The following WDR72 variants were observed in gnomAD, a reference collection of about 807,000 sequenced individuals.
The protein encoded by WDR72 is WD repeat domain 72, also known as WD repeat-containing protein 72.
In WDR72, 120 loss-of-function variants were observed where a neutral mutation model predicts 124.2. The ratio of observed to expected loss-of-function variants is 0.97; its 90% CI spans 0.83 to 1.12. WDR72 has a LOEUF of 1.12. Among genes scored for constraint, WDR72 ranks in the 50% most tolerant of loss-of-function variants. The pLI is 0.00. For synonymous variants in WDR72, 452 were observed against 441.7 expected (o/e 1.02, Z -0.29); for missense variants, 1,387 against 1,278.8 (o/e 1.08, Z -1.29).
At chr15:53,615,312 C>T in intron 15 of WDR72, 114 bp downstream of exon 15, 1 of 814,788 alleles carries the variant, frequency 1.2e-6, no homozygotes, top group Non-Finnish European at 1.9e-6. Flanking sequence ...TTGTTGCATA[C>T]TTACCCCCCA....
chr15:53,514,425 A>G lies in WDR72; in HGVS notation c.*3274T>C, dbSNP rs887894768. Reference sequence around the variant, plus strand: ...ATAAAATTTAATTTTAAAATACTCAATTATTATAATGTGCCCTCTAAGGAT... The same window carrying G: ...ATAAAATTTAATTTTAAAATACTCAGTTATTATAATGTGCCCTCTAAGGAT... On this transcript the variant is annotated 3_prime_UTR_variant, in exon 20 of 20. Coordinates refer to ENST00000360509, the MANE Select transcript of WDR72 (RefSeq NM_182758.4). 1 of 152,184 alleles carries G rather than the reference A, an allele frequency of 6.6e-6. No individual in the cohort carries two copies. Among genetic ancestry groups the G allele is most frequent in the African/African-American group, 2.4e-5 (1 of 41,462 alleles). 9.4% of individuals were successfully genotyped at this position (152,184 alleles called of 1,614,324 possible). A position where few individuals can be genotyped will look rare whatever the true frequency, so the allele number is the denominator to read the frequency against.
chr15:53,633,932 G>A (rs1484798240), intron 14 of WDR72, among the ~76,000 whole-genome samples: 1 of 152,042 alleles, frequency 6.6e-6, no homozygotes, highest in African/African-American at 2.4e-5. Flanking sequence ...ATTCTTTATG[G>A]CATACATTGA....
At chr15:53,665,500 A>T in intron 14 of WDR72, 72 bp downstream of exon 14, 1 of 1,542,362 alleles carries the variant, frequency 6.5e-7, no homozygotes, top group Non-Finnish European at 9.0e-7. Flanking sequence ...AGTGCCATGT[A>T]TTTATGAATG....
At chr15:53,578,943 A>G (rs1170299328) in intron 18 of WDR72, among the ~76,000 whole-genome samples, 1 of 152,090 alleles carries the variant, frequency 6.6e-6, no homozygotes, top group Non-Finnish European at 1.5e-5. Context: ...TGAACCATAA[A>G]AACCCGATTT....
intron 18 of WDR72, among the ~76,000 whole-genome samples, chr15:53,530,061 T>C (rs1892365785): frequency 6.7e-6 from 1 of 149,260 alleles, no homozygotes; most frequent in South Asian, 2.1e-4. Flanking sequence ...GCAAGCAGTG[T>C]TCCAAGGAGA....
chr15:53,618,987 T>C (rs1349834344), intron 14 of WDR72, among the ~76,000 whole-genome samples: 1 of 152,052 alleles, frequency 6.6e-6, no homozygotes, highest in Non-Finnish European at 1.5e-5. Context: ...AGTTGTCTTC[T>C]CACCTGTGTT....
rs184265213 is a variant in WDR72, at chr15:53,733,402, A to G, written c.-12-241T>C. Reference sequence around the variant, plus strand: ...ATCTTCGAATTCCTTATTATTGTTGAAGAGAAAGAAAGGAATGGTCTATTC... The same window carrying G: ...ATCTTCGAATTCCTTATTATTGTTGGAGAGAAAGAAAGGAATGGTCTATTC... On this transcript the variant is annotated intron_variant, in intron 1 of 19. Coordinates refer to ENST00000360509, the MANE Select transcript of WDR72 (RefSeq NM_182758.4). Among the ~76,000 whole-genome samples the G allele has an allele frequency of 2.3e-3, 347 of 152,278 alleles. 2 individuals are homozygous for G. Among genetic ancestry groups the G allele is most frequent in the South Asian group, 3.9e-3 (19 of 4,830 alleles).
intron 8 of WDR72, 58 bp from the exon 9 acceptor site, chr15:53,711,011 T>A (rs2017520167): frequency 2.1e-6 from 3 of 1,446,934 alleles, no homozygotes; most frequent in Non-Finnish European, 2.9e-6. Context: ...ATTCGTTTTT[T>A]TTCCCCCTCC....
intron 6 of WDR72, among the ~76,000 whole-genome samples, chr15:53,713,876 A>G (rs979022395): frequency 3.9e-5 from 6 of 152,242 alleles, no homozygotes; most frequent in Non-Finnish European, 8.8e-5. Flanking sequence ...TAAGCTCAGC[A>G]TACCATCACA....
intron 19 of WDR72, among the ~76,000 whole-genome samples, chr15:53,520,606 A>G: frequency 6.6e-6 from 1 of 152,034 alleles, no homozygotes; most frequent in East Asian, 1.9e-4. Flanking sequence ...AAAAACCCCA[A>G]ATTTGTTTCT....
chr15:53,636,438 A>C (rs1389321328), intron 14 of WDR72, among the ~76,000 whole-genome samples: 1 of 152,232 alleles, frequency 6.6e-6, no homozygotes, highest in Non-Finnish European at 1.5e-5. Context: ...ACTTCACTGA[A>C]ACTTTTTAAA....
At chr15:53,652,071 A>G (rs1453591930) in intron 14 of WDR72, 3 of 152,184 alleles carry the variant, frequency 2.0e-5, no homozygotes, top group Non-Finnish European at 4.4e-5. Context: ...GGTAAATTGT[A>G]CATGCACATA....
Position 53,722,824 on chromosome 15 carries a change from T to C in WDR72, c.238A>G (p.Ile80Val), listed in dbSNP as rs751786447. The C allele has an allele frequency of 1.4e-5, 22 of 1,613,134 alleles. No homozygotes were observed. The highest frequency in any genetic ancestry group is 6.6e-5 in the South Asian group (6 of 91,086). The change falls in exon 3 of 20, where the codon ATT becomes GTT. Residue 80 changes from isoleucine to valine, a missense_variant. By Grantham distance (29) the Ile-to-Val change is conservative. Transcript: ENST00000360509. The stretch of plus-strand genomic sequence containing the variant: ...TACCCATTTTCAGCAGCACTAACAA[T>C]GTAGGGCTGTTTAGAGAAGTCCCTT... ...RARDFSKQPY[I>V]VSAAENGEMC...
intron 18 of WDR72, among the ~76,000 whole-genome samples, chr15:53,568,907 A>G (rs1318443063): frequency 6.6e-6 from 1 of 152,044 alleles, no homozygotes; most frequent in African/African-American, 2.4e-5. Context: ...GTTTACCACA[A>G]AGAATGGTAC....
chr15:53,526,590 A>G (rs536938249), intron 18 of WDR72, among the ~76,000 whole-genome samples: 2 of 152,144 alleles, frequency 1.3e-5, no homozygotes, highest in Admixed American at 1.3e-4. Context: ...ATAGTCAATA[A>G]TTTGATCTTT....
At chr15:53,584,068 A>T (rs903692515) in intron 18 of WDR72, among the ~76,000 whole-genome samples, 3 of 152,016 alleles carry the variant, frequency 2.0e-5, no homozygotes, top group African/African-American at 7.2e-5. Flanking sequence ...GTAGAGAAGG[A>T]GGTTAATAAT....
intron 18 of WDR72, among the ~76,000 whole-genome samples, chr15:53,583,948 A>T (rs1051161365): frequency 6.8e-6 from 1 of 146,986 alleles, no homozygotes; most frequent in Non-Finnish European, 1.5e-5. Context: ...CTATTGATTA[A>T]ATCAAATTTT....
At chr15:53,660,095 G>A (rs976912567) in intron 14 of WDR72, among the ~76,000 whole-genome samples, 47 of 151,714 alleles carry the variant, frequency 3.1e-4, no homozygotes, top group African/African-American at 1.1e-3. Context: ...ATAGTTCTAT[G>A]CTGCTTATTT....
At chr15:53,542,565 C>G (rs1168606762) in intron 18 of WDR72, among the ~76,000 whole-genome samples, 1 of 32,386 alleles carries the variant, frequency 3.1e-5, no homozygotes, top group African/African-American at 1.3e-4. Context: ...ACCATCGAGA[C>G]TAGGAAGAAA....
Sources: gnomAD v4.1 joint callset for allele counts (sites outside exome capture counted in the v4.1 genomes callset) on GRCh38, gnomAD v4.1.1 for gene constraint, MANE v1.5 for transcripts, NCBI Gene and HGNC (gene_info 2026-07-23, HGNC 2026-07-21) for gene names.